ARHGEF4: variants seen among roughly 807,000 people sequenced by gnomAD.
ARHGEF4 encodes the protein Rho guanine nucleotide exchange factor 4, also known as APC-stimulated guanine nucleotide exchange factor 1.
Under a neutral mutation model 162.0 loss-of-function variants are expected in ARHGEF4, and 119 were observed. That is an observed-to-expected ratio of 0.73 (90% confidence interval 0.63 to 0.86). The LOEUF (loss-of-function observed/expected upper bound fraction) is 0.86. ARHGEF4 is among the 40% of genes least tolerant of loss of function. ARHGEF4 has a pLI of 0.00. For missense variants in ARHGEF4, 2,488 were observed against 2,456.0 expected (o/e 1.01, Z -0.28); for synonymous variants, 1,014 against 979.9 (o/e 1.03, Z -0.65).
chr2:130,896,078 C>T (rs1427979645), intron 1 of ARHGEF4, among the ~76,000 whole-genome samples: 1 of 152,078 alleles, frequency 6.6e-6, no homozygotes, highest in East Asian at 1.9e-4. Context: ...GTAGCTTTTG[C>T]ATATGGTTAC....
chr2:130,888,855 C>T (rs1679679387), intron 1 of ARHGEF4, among the ~76,000 whole-genome samples: 1 of 151,986 alleles, frequency 6.6e-6, no homozygotes, highest in Non-Finnish European at 1.5e-5. Flanking sequence ...AATCCCAGCA[C>T]TCTGGGAGGC....
At chr2:130,989,962 T>C (rs901546122) in intron 4 of ARHGEF4, among the ~76,000 whole-genome samples, 1 of 152,216 alleles carries the variant, frequency 6.6e-6, no homozygotes, top group Non-Finnish European at 1.5e-5. Flanking sequence ...ATGTTTAATC[T>C]TTCTCCAGCT....
At chr2:131,023,074 C>CAAAAA (rs56868632) in intron 4 of ARHGEF4, among the ~76,000 whole-genome samples, 673 of 66,612 alleles carry the variant, frequency 0.01, 200 homozygotes, top group Middle Eastern at 0.025. Flanking sequence ...AACCCTGTCT[C>CAAAAA]AAAAAAAAAA....
chr2:131,024,900 A>G (rs1030410200), intron 4 of ARHGEF4, among the ~76,000 whole-genome samples: 6 of 152,188 alleles, frequency 3.9e-5, no homozygotes, highest in Non-Finnish European at 8.8e-5. Flanking sequence ...GAAACTTTCC[A>G]TAATAGAAGT....
At chr2:130,869,240 G>A (rs1439025454) in intron 1 of ARHGEF4, among the ~76,000 whole-genome samples, 1 of 152,176 alleles carries the variant, frequency 6.6e-6, no homozygotes, top group Non-Finnish European at 1.5e-5. Context: ...CCTGCAGAGT[G>A]GTTGGGAAGC....
At chr2:130,911,769 C>T (rs1216201567) in intron 1 of ARHGEF4, among the ~76,000 whole-genome samples, 4 of 152,148 alleles carry the variant, frequency 2.6e-5, no homozygotes, top group African/African-American at 7.2e-5. Flanking sequence ...AGGCTGGACC[C>T]CTCCCCCCAG....
intron 1 of ARHGEF4, among the ~76,000 whole-genome samples, chr2:130,844,701 C>A (rs1482770694): frequency 6.6e-6 from 1 of 152,046 alleles, no homozygotes; most frequent in Non-Finnish European, 1.5e-5. Flanking sequence ...CCTTCACTCT[C>A]AGGGGCATGT....
At chr2:131,009,104 C>T (rs1688300129) in intron 4 of ARHGEF4, among the ~76,000 whole-genome samples, 1 of 152,178 alleles carries the variant, frequency 6.6e-6, no homozygotes, top group Admixed American at 6.5e-5. Context: ...CAATGATTCT[C>T]TTAGCTTTCA....
chr2:130,969,460 A>G (rs1034745784), intron 4 of ARHGEF4, among the ~76,000 whole-genome samples: 1 of 151,872 alleles, frequency 6.6e-6, no homozygotes, highest in Admixed American at 6.6e-5. Context: ...TTAGCCGGGC[A>G]TGGTGGTGGG....
intron 1 of ARHGEF4, among the ~76,000 whole-genome samples, chr2:130,838,026 G>A (rs996117754): frequency 6.6e-6 from 1 of 152,236 alleles, no homozygotes; most frequent in Non-Finnish European, 1.5e-5. Flanking sequence ...CTATCCGCTG[G>A]CCTGGCATCA....
chr2:130,850,819 A>G (rs1162060230), intron 1 of ARHGEF4, among the ~76,000 whole-genome samples: 2 of 152,228 alleles, frequency 1.3e-5, no homozygotes, highest in Non-Finnish European at 2.9e-5. Context: ...CTGCCACTGT[A>G]CAGTCTTTCC....
intron 1 of ARHGEF4, among the ~76,000 whole-genome samples, chr2:130,895,480 C>A (rs1680100371): frequency 6.6e-6 from 1 of 152,180 alleles, no homozygotes; most frequent in African/African-American, 2.4e-5. Flanking sequence ...ATGTTCCCAC[C>A]AGCTGAGTGC....
At chr2:130,992,396 G>T (rs1338117112) in intron 4 of ARHGEF4, among the ~76,000 whole-genome samples, 1 of 151,504 alleles carries the variant, frequency 6.6e-6, no homozygotes, top group African/African-American at 2.4e-5. Flanking sequence ...AACGCTCACC[G>T]CGAAGGTCTG....
chr2:131,034,847 C>T (rs1224233274), intron 5 of ARHGEF4: 4 of 332,472 alleles, frequency 1.2e-5, no homozygotes, highest in Admixed American at 6.5e-5. Flanking sequence ...ACGCCCGAGC[C>T]GCCGCGGTCC....
In ARHGEF4 at chr2:130,917,460, G is replaced by T. The variant is rs1200413776; in HGVS notation, c.3514G>T (p.Gly1172Cys). The T allele has an allele frequency of 1.9e-6, 3 of 1,550,386 alleles. No homozygotes were observed. The highest frequency in any genetic ancestry group is 2.6e-6 in the Non-Finnish European group (3 of 1,146,996). The change falls in exon 2 of 14, where the codon GGC (glycine) becomes TGC (cysteine). Residue 1172 changes from glycine (G) to cysteine (C), a missense_variant. Gly to Cys is a radical substitution (Grantham distance 159, BLOSUM62 -3). Coordinates refer to ENST00000409359, the MANE Select transcript of ARHGEF4 (RefSeq NM_001367493.1). ...REGGQGPRGL[G>C]TVPWLRDLPG... ...AGGAGGCCAGGGTCCGCGCGGCTTG[G>T]GCACAGTGCCCTGGCTCAGGGACCT... is the stretch of plus-strand genomic sequence containing the variant.
At chr2:130,838,616 AAAAG>A (rs1403377332) in intron 1 of ARHGEF4, among the ~76,000 whole-genome samples, 3 of 152,260 alleles carry the variant, frequency 2.0e-5, no homozygotes, top group South Asian at 2.1e-4. Context: ...AAAAAAAAGA[AAAAG>A]AAAAGAAGGA....
intron 1 of ARHGEF4, among the ~76,000 whole-genome samples, chr2:130,892,742 C>T (rs1679929634): frequency 6.6e-6 from 1 of 152,148 alleles, no homozygotes; most frequent in Non-Finnish European, 1.5e-5. Flanking sequence ...ACACACAGAC[C>T]CCTGCTCACC....
At chr2:130,940,063 G>A (rs1683197086) in intron 3 of ARHGEF4, among the ~76,000 whole-genome samples, 1 of 152,066 alleles carries the variant, frequency 6.6e-6, no homozygotes. Context: ...TTCCTTTCTA[G>A]TGTGTATTCT....
intron 1 of ARHGEF4, among the ~76,000 whole-genome samples, chr2:130,892,655 T>TACAGCCAGGGTGGAGCCC (rs982422276): frequency 1.3e-5 from 2 of 152,180 alleles, no homozygotes; most frequent in African/African-American, 2.4e-5. Context: ...GGCTGAGGAC[T>TACAGCCAGGGTGGAGCCC]ACAGCCAGGG....
Sources: allele counts gnomAD v4.1 joint callset (sites outside exome capture counted in the v4.1 genomes callset), GRCh38; gene constraint gnomAD v4.1.1; transcripts MANE v1.5; gene names NCBI Gene and HGNC (gene_info 2026-07-23, HGNC 2026-07-21).